Variants in DAAM1 observed in about 807,000 individuals in gnomAD.
DAAM1 encodes the protein disheveled-associated activator of morphogenesis 1.
In DAAM1, 52 loss-of-function variants were observed where a neutral mutation model predicts 130.0. The ratio of observed to expected loss-of-function variants is 0.40; its 90% confidence interval spans 0.32 to 0.50. The LOEUF is 0.50. Among genes scored for constraint, DAAM1 ranks in the 20% least tolerant of loss-of-function variants. The probability of loss-of-function intolerance (pLI) is 0.61; values close to 1 mark genes in which losing one functional copy is unlikely to be tolerated. For missense variants in DAAM1, 1,134 were observed against 1,303.8 expected (o/e 0.87, Z 2.01); for synonymous variants, 452 against 444.5 (o/e 1.02, Z -0.21).
chr14:59,199,526 G>A (rs181010794), intron 1 of DAAM1, among the ~76,000 whole-genome samples: 78 of 152,314 alleles, frequency 5.1e-4, no homozygotes, highest in African/African-American at 1.5e-3. Context: ...GAGCATTTAT[G>A]TTCTGATTTG....
chr14:59,363,513 A>G, intron 22 of DAAM1, 138 bp from the exon 23 acceptor site: 1 of 1,294,676 alleles, frequency 7.7e-7, no homozygotes, highest in South Asian at 1.5e-5. Context: ...CTAGAGTATA[A>G]CAAAATGTTT....
chr14:59,335,220 C>A (rs1885581468), intron 15 of DAAM1, among the ~76,000 whole-genome samples: 1 of 152,056 alleles, frequency 6.6e-6, no homozygotes, highest in African/African-American at 2.4e-5. Flanking sequence ...CAAGACTACT[C>A]CTATTCAGAA....
chr14:59,341,496 T>G (rs1185335169), intron 16 of DAAM1, among the ~76,000 whole-genome samples: 2 of 152,242 alleles, frequency 1.3e-5, no homozygotes, highest in African/African-American at 4.8e-5. Flanking sequence ...CACATAACTT[T>G]TATTACAATA....
chr14:59,320,548 A>G lies in DAAM1; in HGVS notation c.404A>G (p.Glu135Gly). Reference protein sequence around the residue: ...EEEEERSKTIESLKTALRTKP... With the variant: ...EEEEERSKTIGSLKTALRTKP... ...GAAGAAGAAAGAAGTAAAACTATAG[A>G]GAGTTTAAAGACAGCACTGAGGACA... Residue 135 changes from glutamate (E) to glycine (G), a missense_variant, in exon 5 of 25, where the codon GAG becomes GGG. Physicochemically the swap from Glu to Gly is moderately conservative, Grantham distance 98. Around this residue, in one of 3 missense-constraint regions of DAAM1, gnomAD observed 391 missense variants for 521.6 expected, o/e 0.75. Coordinates refer to ENST00000360909, the MANE Select transcript of DAAM1 (RefSeq NM_001270520.2). 1 of 1,605,144 alleles carries G rather than the reference A, an allele frequency of 6.2e-7. No individual in the cohort carries two copies. The highest frequency in any genetic ancestry group is 8.5e-7 in the Non-Finnish European group (1 of 1,177,234).
In DAAM1 at chr14:59,287,372, A is replaced by G. The variant is rs1883508971; in HGVS notation, c.184-3845A>G. Reference sequence around the variant, plus strand: ...GGAAGCCTTCCCTTTGAGAACTAGAATAAGACAAGTATGCCCATTCTCACC... The same window carrying G: ...GGAAGCCTTCCCTTTGAGAACTAGAGTAAGACAAGTATGCCCATTCTCACC... On this transcript the variant is annotated intron_variant, in intron 2 of 24. Coordinates refer to ENST00000360909, the MANE Select transcript of DAAM1 (RefSeq NM_001270520.2). Among the ~76,000 whole-genome samples, 3 of 152,364 alleles carry G rather than the reference A, an allele frequency of 2.0e-5. No homozygotes were observed. In the South Asian group the frequency reaches 6.2e-4, roughly 32 times the overall value.
chr14:59,249,896 G>A (rs542870018), intron 1 of DAAM1, among the ~76,000 whole-genome samples: 10 of 152,136 alleles, frequency 6.6e-5, no homozygotes, highest in Non-Finnish European at 1.3e-4. Context: ...GGAAGTAGAG[G>A]AGAGTTTTGG....
At chr14:59,357,021 G>A (rs1222719766) in intron 20 of DAAM1, among the ~76,000 whole-genome samples, 1 of 152,218 alleles carries the variant, frequency 6.6e-6, no homozygotes, top group Non-Finnish European at 1.5e-5. Context: ...CAGTCAGCAG[G>A]AAGGGTGCAT....
intron 1 of DAAM1, among the ~76,000 whole-genome samples, chr14:59,196,509 C>T (rs755244633): frequency 3.9e-5 from 6 of 152,076 alleles, no homozygotes; most frequent in African/African-American, 1.4e-4. Context: ...TTTGGGAGGA[C>T]GAGGCGGGCA....
rs1566721250 is a variant in DAAM1 at position 59,355,290 on chromosome 14, T to C, written c.2482T>C (p.Ser828Pro). Residue 828 changes from serine (S) to proline (P), a missense_variant, in exon 20 of 25, where the codon TCT (serine) becomes CCT (proline). Coordinates refer to ENST00000360909, the MANE Select transcript of DAAM1 (RefSeq NM_001270520.2). ...AGGGAATGCATATGGATTCAAGATA[T>C]CTAGCCTAAACAAAATTGCTGACAC... is the stretch of plus-strand genomic sequence containing the variant. The part of the protein sequence containing the change: ...QRGNAYGFKI[S>P]SLNKIADTKS... The C allele has an allele frequency of 6.2e-7, 1 of 1,614,016 alleles. No individual in the cohort carries two copies. Among genetic ancestry groups the C allele is most frequent in the Admixed American group, 1.7e-5 (1 of 59,988 alleles).
At chr14:59,285,539 C>T (rs1883407628) in intron 2 of DAAM1, among the ~76,000 whole-genome samples, 1 of 152,132 alleles carries the variant, frequency 6.6e-6, no homozygotes, top group African/African-American at 2.4e-5. Flanking sequence ...TCAAGAGACC[C>T]ATCTCACAAG....
At position 59,368,699 on chromosome 14, in the gene DAAM1, A is replaced by G. The variant is rs748467074; in HGVS notation, c.3047A>G (p.Asn1016Ser). The change falls in exon 25 of 25, where the codon AAT becomes AGT. Residue 1016 changes from asparagine to serine, a missense_variant. By Grantham distance (46) the Asn-to-Ser change is conservative. Around this residue, in one of 3 missense-constraint regions of DAAM1, gnomAD observed 644 missense variants for 695.9 expected, o/e 0.93. Coordinates refer to ENST00000360909, the MANE Select transcript of DAAM1 (RefSeq NM_001270520.2). ...CGTAAAATGAGAAAAGCTAAAGAGA[A>G]TAGTGAAGAAAGCGGAGAGTTTGAT... is the stretch of plus-strand genomic sequence containing the variant. ...RERKMRKAKE[N>S]SEESGEFDDL... is the part of the protein sequence containing the mutation. The G allele has an allele frequency of 7.4e-6, 12 of 1,613,774 alleles. No homozygotes were observed. The East Asian group carries it at 8.9e-5, about 12-fold the overall frequency.
intron 3 of DAAM1, among the ~76,000 whole-genome samples, chr14:59,294,800 T>G (rs1883890779): frequency 6.6e-6 from 1 of 152,234 alleles, no homozygotes; most frequent in South Asian, 2.1e-4. Context: ...ATGAACCATC[T>G]GACCACAAAA....
chr14:59,368,555 T>G, intron 24 of DAAM1, 95 bp from the exon 25 acceptor site: 1 of 1,287,684 alleles, frequency 7.8e-7, no homozygotes, highest in African/African-American at 1.5e-5. Context: ...GCTTGGTGTC[T>G]GGAGCATTAC....
chr14:59,243,780 T>C (rs1881232856), intron 1 of DAAM1, among the ~76,000 whole-genome samples: 1 of 152,186 alleles, frequency 6.6e-6, no homozygotes, highest in Admixed American at 6.5e-5. Context: ...TGCCTGTTTA[T>C]TAATTATTTG....
rs760422783 is a variant in DAAM1, at chr14:59,330,542, G to A, written c.1414G>A (p.Glu472Lys). The A allele has an allele frequency of 1.9e-6, 3 of 1,612,986 alleles. No individual in the cohort carries two copies. The Admixed American group carries it at 5.0e-5, about 27-fold the overall frequency. The change falls in exon 13 of 25, where the codon GAA becomes AAA. Residue 472 changes from glutamate (E) to lysine (K), a missense_variant. Around this residue, in one of 3 missense-constraint regions of DAAM1, gnomAD observed 391 missense variants for 521.6 expected, o/e 0.75. Coordinates refer to ENST00000360909, the MANE Select transcript of DAAM1 (RefSeq NM_001270520.2). Reference sequence around the variant, plus strand: ...ACAGAAACTGGAAAAGAAAGAACGAGAATGTGATGCTAAGACTCAAGAGAA... The same window carrying A: ...ACAGAAACTGGAAAAGAAAGAACGAAAATGTGATGCTAAGACTCAAGAGAA... The part of the protein sequence containing the change: ...LQQKLEKKER[E>K]CDAKTQEKEE...
rs1191757890 is a variant in DAAM1, at chr14:59,368,893, TAGCAGCCCTCTA to T, written c.*36_*47del. ...GAATACTTTTTTTTAGAAAGCTCAT[TAGCAGCCCTCTA>T]AAGTGACTAGAACGTTTCATTACAC... On this transcript the variant is annotated 3_prime_UTR_variant, in exon 25 of 25. Transcript: ENST00000360909. 2.5e-6 allele frequency: 4 copies of T among 1,598,534 alleles called. No individual in the cohort carries two copies. The highest frequency in any genetic ancestry group is 3.4e-6 in the Non-Finnish European group (4 of 1,169,664).
chr14:59,218,982 G>C (rs1888679846), intron 1 of DAAM1, among the ~76,000 whole-genome samples: 2 of 152,218 alleles, frequency 1.3e-5, no homozygotes, highest in Admixed American at 6.5e-5. Context: ...TAACCTGTTA[G>C]TGCTCTAGGA....
At chr14:59,367,212 CGA>C (rs906646508) in intron 23 of DAAM1, among the ~76,000 whole-genome samples, 8 of 152,108 alleles carry the variant, frequency 5.3e-5, no homozygotes, top group African/African-American at 1.9e-4. Flanking sequence ...CGCTTGAACC[CGA>C]GAGACAGAGG....
chr14:59,319,739 A>T (rs755480015), intron 4 of DAAM1, among the ~76,000 whole-genome samples: 4 of 152,162 alleles, frequency 2.6e-5, no homozygotes, highest in African/African-American at 9.7e-5. Flanking sequence ...AACAACTGCA[A>T]TCTTACATGG....
Sources: gnomAD v4.1 joint callset for allele counts (sites outside exome capture counted in the v4.1 genomes callset) on GRCh38, gnomAD v4.1.1 for gene constraint, gnomAD v4.1.1 regional missense constraint, MANE v1.5 for transcripts, NCBI Gene and HGNC (gene_info 2026-07-23, HGNC 2026-07-21) for gene names.